RTN4RL2: variants seen among roughly 807,000 people sequenced by gnomAD.
RTN4RL2 encodes the protein reticulon 4 receptor like 2, also known as reticulon-4 receptor-like 2.
A neutral mutation model predicts 27.8 loss-of-function variants in RTN4RL2; 9 were observed. The ratio of observed to expected loss-of-function variants is 0.32; its 90% CI spans 0.20 to 0.57. The LOEUF (loss-of-function observed/expected upper bound fraction) is 0.57, where lower values mean the gene tolerates loss of function less well. Among genes scored for constraint, RTN4RL2 ranks in the 20% least tolerant of loss-of-function variants. The pLI, the probability that RTN4RL2 is intolerant of heterozygous loss-of-function variation, is 0.90. For missense variants in RTN4RL2, 436 were observed against 596.8 expected (o/e 0.73, Z 2.81); for synonymous variants, 285 against 297.9 (o/e 0.96, Z 0.45).
At chr11:57,463,857 C>T (rs550641805) in intron 1 of RTN4RL2, among the ~76,000 whole-genome samples, 2 of 152,158 alleles carry the variant, frequency 1.3e-5, no homozygotes, top group South Asian at 2.1e-4. Context: ...CCCCAACCCC[C>T]CAGTCCCACC....
intron 1 of RTN4RL2, among the ~76,000 whole-genome samples, chr11:57,466,179 G>T (rs1329220095): frequency 4.0e-5 from 6 of 150,792 alleles, no homozygotes; most frequent in Admixed American, 6.6e-5. Flanking sequence ...TTTTTTTTTT[G>T]TATTTTTAGT....
At chr11:57,470,816 T>C (rs1053892325) in intron 2 of RTN4RL2, among the ~76,000 whole-genome samples, 10 of 152,212 alleles carry the variant, frequency 6.6e-5, no homozygotes, top group East Asian at 1.9e-4. Flanking sequence ...TTCTGACTTA[T>C]TTAACTTTAA....
intron 2 of RTN4RL2, among the ~76,000 whole-genome samples, chr11:57,469,909 C>T (rs1288313017): frequency 2.6e-5 from 4 of 152,162 alleles, no homozygotes; most frequent in Non-Finnish European, 5.9e-5. Flanking sequence ...TCTTTTCAAC[C>T]ATTGTCGGTG....
chr11:57,467,936 G>A lies in RTN4RL2; in HGVS notation c.359G>A (p.Arg120His), dbSNP rs61745214. 12 of 1,613,120 alleles carry A rather than the reference G, an allele frequency of 7.4e-6. No homozygotes were observed. Among genetic ancestry groups the A allele is most frequent in the African/African-American group, 1.3e-5 (1 of 74,934 alleles). ...ELDLGDNRHL[R>H]SLEPDTFQGL... ...GACCTCGGTGACAACCGGCACCTGCGCTCGCTGGAGCCCGACACCTTCCAG... is the reference window on the plus strand; with the variant it reads ...GACCTCGGTGACAACCGGCACCTGCACTCGCTGGAGCCCGACACCTTCCAG... Residue 120 changes from arginine (R) to histidine (H), a missense_variant, in exon 2 of 3, where the codon CGC becomes CAC. This residue lies in a region of RTN4RL2 where 365 missense variants were observed against 530.5 expected (regional missense o/e 0.69). Transcript: ENST00000335099. This position sits in a 1 kb window ranked among gnomAD's most constrained non-coding sequence, Gnocchi z 5.5.
At position 57,468,824 on chromosome 11, in the gene RTN4RL2, A is replaced by C. The variant is rs962727442; in HGVS notation, c.513+734A>C. ...ATGCAGCTGGAGAATGGATGCTCTGAAAATGGAAGGAATACCAGTAATTGT... is the reference window on the plus strand; with the variant it reads ...ATGCAGCTGGAGAATGGATGCTCTGCAAATGGAAGGAATACCAGTAATTGT... On this transcript the variant is annotated intron_variant, in intron 2 of 2. Transcript: ENST00000335099. 2.5e-6 allele frequency: 3 copies of C among 1,195,068 alleles called. No homozygotes were observed. In the African/African-American group the frequency reaches 4.5e-5, roughly 18 times the overall value. The allele number at this position is 1,195,068 out of a possible 1,614,324, so 74.0% of individuals were successfully genotyped here.
At position 57,467,559 on chromosome 11, in the gene RTN4RL2, A is replaced by T. The variant is rs1565114958; in HGVS notation, c.32-50A>T. 3 of 1,545,446 alleles carry T rather than the reference A, an allele frequency of 1.9e-6. No homozygotes were observed. The African/African-American group carries it at 4.1e-5, about 21-fold the overall frequency. ...GTTGGGGGGCTGGCCCCCAGCTGGC[A>T]CTCCTGCCCTGGAAGCCCACCTAGT... On this transcript the variant is annotated intron_variant, in intron 1 of 2. Transcript: ENST00000335099. The surrounding 1 kb of genome is among the most constrained non-coding windows in gnomAD (Gnocchi z 5.5).
At chr11:57,470,369 T>C (rs1943555444) in intron 2 of RTN4RL2, among the ~76,000 whole-genome samples, 1 of 152,140 alleles carries the variant, frequency 6.6e-6, no homozygotes, top group Non-Finnish European at 1.5e-5. Flanking sequence ...TGCCTCAGCC[T>C]CCTGAGTAAC....
chr11:57,467,741 C>T lies in RTN4RL2; in HGVS notation c.164C>T (p.Pro55Leu). 2 of 1,613,734 alleles carry T rather than the reference C, an allele frequency of 1.2e-6. No homozygotes were observed. The highest frequency in any genetic ancestry group is 2.2e-5 in the East Asian group (1 of 44,888). ...CAGGCCAACAACTTCTCCTCTGTGC[C>T]GCTGTCCCTGCCACCCAGCACTCAG... The part of the protein sequence containing the change: ...SCQANNFSSV[P>L]LSLPPSTQRL... Residue 55 changes from proline to leucine, a missense_variant, in exon 2 of 3, where the codon CCG becomes CTG. Transcript: ENST00000335099. This position sits in a 1 kb window ranked among gnomAD's most constrained non-coding sequence, Gnocchi z 5.5.
chr11:57,477,172 A>C lies in RTN4RL2; in HGVS notation c.*261A>C. 40 of 366,984 alleles carry C rather than the reference A, an allele frequency of 1.1e-4. No homozygotes were observed. Among genetic ancestry groups the C allele is most frequent in the Non-Finnish European group, 1.4e-4 (29 of 205,968 alleles). The allele number at this position is 366,984 out of a possible 1,614,324, so 22.7% of individuals were successfully genotyped here. The stretch of plus-strand genomic sequence containing the variant: ...CTGGCCATTAACTCTTCCCCATCCC[A>C]AGGCTGGGGTGGGGCCCCCCAGGCA... On this transcript the variant is annotated 3_prime_UTR_variant, in exon 3 of 3. Coordinates refer to ENST00000335099, the MANE Select transcript of RTN4RL2 (RefSeq NM_178570.3).
rs914565535 is a variant in RTN4RL2, at chr11:57,467,399, G to T, written c.32-210G>T. ...CTAATTTTTTTTTTTTTCTTGTAAA[G>T]ACAGGGATCTCCCTATGTTGCCCAG... On this transcript the variant is annotated intron_variant, in intron 1 of 2. Transcript: ENST00000335099. The surrounding 1 kb of genome is among the most constrained non-coding windows in gnomAD (Gnocchi z 5.5). Among the ~76,000 whole-genome samples, 1 of 150,994 alleles carries T rather than the reference G, an allele frequency of 6.6e-6. No homozygotes were observed. The highest frequency in any genetic ancestry group is 1.5e-5 in the Non-Finnish European group (1 of 67,824).
intron 2 of RTN4RL2, among the ~76,000 whole-genome samples, chr11:57,475,191 C>T (rs1943588987): frequency 6.6e-6 from 1 of 152,166 alleles, no homozygotes; most frequent in Admixed American, 6.5e-5. Context: ...CTTTAGCCTG[C>T]TGAGGGGGTT....
Position 57,476,288 on chromosome 11 carries a change from C to T in RTN4RL2, c.640C>T (p.Arg214Trp), listed in dbSNP as rs1943594681. The stretch of plus-strand genomic sequence containing the variant: ...GGACCGGCTGCTGCTGCACGGGAAC[C>T]GGCTGCAGGGCGTGCACCGCGCGGC... ...SLDRLLLHGN[R>W]LQGVHRAAFR... is the part of the protein sequence containing the mutation. Residue 214 changes from arginine to tryptophan, a missense_variant, in exon 3 of 3, where the codon CGG becomes TGG. Arg to Trp is a moderately radical substitution (Grantham distance 101). Around this residue, in one of 3 missense-constraint regions of RTN4RL2, gnomAD observed 365 missense variants for 530.5 expected, o/e 0.69. Transcript: ENST00000335099. This position sits in a 1 kb window ranked among gnomAD's most constrained non-coding sequence, Gnocchi z 8.2. 3.1e-6 allele frequency: 5 copies of T among 1,612,298 alleles called. No individual in the cohort carries two copies. The highest frequency in any genetic ancestry group is 1.7e-4 in the Middle Eastern group (1 of 6,058).
At chr11:57,465,048 AC>A (rs994917798) in intron 1 of RTN4RL2, among the ~76,000 whole-genome samples, 2 of 152,066 alleles carry the variant, frequency 1.3e-5, no homozygotes, top group African/African-American at 4.8e-5. Flanking sequence ...CCGACGCAGC[AC>A]CGACGCAGCG....
At chr11:57,466,694 G>A (rs759859571) in intron 1 of RTN4RL2, among the ~76,000 whole-genome samples, 2 of 152,206 alleles carry the variant, frequency 1.3e-5, no homozygotes, top group Non-Finnish European at 2.9e-5. Context: ...GCACCAGTGG[G>A]CTGGCAAGAC....
rs1220787386 is a variant in RTN4RL2, at chr11:57,476,979, C to T, written c.*68C>T. On this transcript the variant is annotated 3_prime_UTR_variant, in exon 3 of 3. Coordinates refer to ENST00000335099, the MANE Select transcript of RTN4RL2 (RefSeq NM_178570.3). The surrounding 1 kb of genome is among the most constrained non-coding windows in gnomAD (Gnocchi z 8.2). ...TCCCGTCCACCCGGGGCTGCGGCTC[C>T]GGCCCCAGTCGCCCCACCTTCCCTG... 6.9e-7 allele frequency: 1 copy of T among 1,446,638 alleles called. No individual in the cohort carries two copies. Among genetic ancestry groups the T allele is most frequent in the Non-Finnish European group, 9.1e-7 (1 of 1,094,818 alleles). 89.6% of individuals were successfully genotyped at this position (1,446,638 alleles called of 1,614,324 possible).
Position 57,460,883 on chromosome 11 carries a change from G to C in RTN4RL2, c.18G>C (p.Arg6Ser). 1 of 1,408,104 alleles carries C rather than the reference G, an allele frequency of 7.1e-7. No homozygotes were observed. The highest frequency in any genetic ancestry group is 9.4e-7 in the Non-Finnish European group (1 of 1,067,402). The allele number at this position is 1,408,104 out of a possible 1,614,324, so 87.2% of individuals were successfully genotyped here. Residue 6 changes from arginine (R) to serine (S), a missense_variant, in exon 1 of 3, where the codon AGG (arginine) becomes AGC (serine). By Grantham distance (110) the Arg-to-Ser change is moderately radical. Around this residue, in one of 3 missense-constraint regions of RTN4RL2, gnomAD observed 365 missense variants for 530.5 expected, o/e 0.69. Coordinates refer to ENST00000335099, the MANE Select transcript of RTN4RL2 (RefSeq NM_178570.3). ...GAGACAAGATGCTGCCCGGGCTCAGGCGCCTGCTGCAAGGTAAGAACGCCA... is the reference window on the plus strand; with the variant it reads ...GAGACAAGATGCTGCCCGGGCTCAGCCGCCTGCTGCAAGGTAAGAACGCCA... MLPGL[R>S]RLLQAPASAC... is the part of the protein sequence containing the mutation.
In RTN4RL2 at chr11:57,476,653, C is replaced by G; in HGVS notation, c.1005C>G (p.Ala335=). The G allele has an allele frequency of 7.1e-6, 10 of 1,409,124 alleles. No homozygotes were observed. Among genetic ancestry groups the G allele is most frequent in the Non-Finnish European group, 9.2e-6 (10 of 1,090,294 alleles). The allele number at this position is 1,409,124 out of a possible 1,614,324, so 87.3% of individuals were successfully genotyped here. ...CCTCCAACCACCTGTACGGGGTGGC[C>G]GAGGCCGGGGCGCCCCCAGCCGATC... ...NSSSNHLYGV[A]EAGAPPADPS... The change falls in exon 3 of 3, where the codon GCC becomes GCG. Residue 335 remains alanine, a synonymous_variant. Coordinates refer to ENST00000335099, the MANE Select transcript of RTN4RL2 (RefSeq NM_178570.3). This position sits in a 1 kb window ranked among gnomAD's most constrained non-coding sequence, Gnocchi z 8.2.
At chr11:57,466,937 C>T (rs764564043) in intron 1 of RTN4RL2, among the ~76,000 whole-genome samples, 4 of 152,198 alleles carry the variant, frequency 2.6e-5, no homozygotes, top group African/African-American at 4.8e-5. Flanking sequence ...AGGAACTATC[C>T]GGCCCAACTG....
chr11:57,460,776 C>T lies in RTN4RL2; in HGVS notation c.-90C>T. ...GGACTCCCGGGCCCTCCCGGAGCCC[C>T]GCGGGGTCCCCGCCGTGCATCCGGC... On this transcript the variant is annotated 5_prime_UTR_variant, in exon 1 of 3. Transcript: ENST00000335099. 1.5e-6 allele frequency: 1 copy of T among 669,680 alleles called. No individual in the cohort carries two copies. The highest frequency in any genetic ancestry group is 2.3e-6 in the Non-Finnish European group (1 of 434,408). 41.5% of individuals were successfully genotyped at this position (669,680 alleles called of 1,614,324 possible). A position where few individuals can be genotyped will look rare whatever the true frequency, so the allele number is the denominator to read the frequency against.
Sources: gnomAD v4.1 joint callset for allele counts (sites outside exome capture counted in the v4.1 genomes callset) on GRCh38, gnomAD v4.1.1 for gene constraint, gnomAD v4.1.1 regional missense constraint, Gnocchi (gnomAD v3.1) non-coding constraint, MANE v1.5 for transcripts, NCBI Gene and HGNC (gene_info 2026-07-23, HGNC 2026-07-21) for gene names.